VAT1L: variants seen among roughly 807,000 people sequenced by gnomAD.
VAT1L encodes the protein putative NADPH-dependent quinone oxidoreductase VAT1L.
Under a neutral mutation model 44.1 loss-of-function variants are expected in VAT1L, and 34 were observed. That is an observed-to-expected ratio of 0.77 (90% confidence interval 0.59 to 1.03). The LOEUF (loss-of-function observed/expected upper bound fraction) is 1.03. Ranked by LOEUF, VAT1L falls within the 50% of genes least tolerant of loss-of-function variation. The pLI is 0.00. For synonymous variants in VAT1L, 253 were observed against 202.2 expected (o/e 1.25, Z -2.13); for missense variants, 615 against 538.8 (o/e 1.14, Z -1.40).
intron 3 of VAT1L, among the ~76,000 whole-genome samples, chr16:77,838,222 G>A (rs192238307): frequency 6.6e-6 from 1 of 152,282 alleles, no homozygotes; most frequent in East Asian, 1.9e-4. Context: ...ATGACTCTGG[G>A]GACCCATCCA....
chr16:77,944,482 C>T (rs2017934619), intron 7 of VAT1L, among the ~76,000 whole-genome samples: 1 of 152,142 alleles, frequency 6.6e-6, no homozygotes, highest in Admixed American at 6.5e-5. Flanking sequence ...TCATTAAATC[C>T]TCGCTCTTCC....
At position 77,917,040 on chromosome 16, in the gene VAT1L, T is replaced by C. The variant is rs568438338; in HGVS notation, c.1077+32238T>C. Among the ~76,000 whole-genome samples, 143 of 152,308 alleles carry C rather than the reference T, an allele frequency of 9.4e-4. 1 individual carries two copies. Among genetic ancestry groups the C allele is most frequent in the Non-Finnish European group, 1.8e-3 (124 of 68,034 alleles). On this transcript the variant is annotated intron_variant, in intron 7 of 8. Coordinates refer to ENST00000302536, the MANE Select transcript of VAT1L (RefSeq NM_020927.3). The stretch of plus-strand genomic sequence containing the variant: ...AAGTTTATTATTCATCCACCAGCAC[T>C]TGAAGGATTTAGATAAGAGATATTG...
At chr16:77,839,899 C>G (rs1240833353) in intron 3 of VAT1L, among the ~76,000 whole-genome samples, 1 of 152,096 alleles carries the variant, frequency 6.6e-6, no homozygotes, top group African/African-American at 2.4e-5. Flanking sequence ...CAATGTCAAC[C>G]CTGAATGAGT....
At chr16:77,814,489 A>T (rs548865562) in intron 1 of VAT1L, among the ~76,000 whole-genome samples, 2 of 152,192 alleles carry the variant, frequency 1.3e-5, no homozygotes, top group Non-Finnish European at 2.9e-5. Flanking sequence ...CACTGGGCCC[A>T]GTTCATGCTG....
chr16:77,909,865 C>A (rs1482362906), intron 7 of VAT1L, among the ~76,000 whole-genome samples: 4 of 152,124 alleles, frequency 2.6e-5, no homozygotes, highest in Non-Finnish European at 5.9e-5. Context: ...TGCATACATT[C>A]CTGCCCTTCA....
rs572845648 is a variant in VAT1L at position 77,950,642 on chromosome 16, T to C, written c.1078-21208T>C. Among the ~76,000 whole-genome samples, 5 of 152,224 alleles carry C rather than the reference T, an allele frequency of 3.3e-5. No homozygotes were observed. The South Asian group carries it at 8.3e-4, about 25-fold the overall frequency. ...AATGGGAAGCAGTGATCTTCAGGGA[T>C]GTTCTGTGTTGCCCTTAATCATCCT... On this transcript the variant is annotated intron_variant, in intron 7 of 8. Transcript: ENST00000302536.
intron 7 of VAT1L, among the ~76,000 whole-genome samples, chr16:77,967,044 C>G (rs2018230669): frequency 6.6e-6 from 1 of 151,442 alleles, no homozygotes; most frequent in Admixed American, 6.6e-5. Flanking sequence ...TCACCACTAT[C>G]TTCTGGGCAC....
chr16:77,788,952 T>G (rs2015781578), intron 1 of VAT1L, 37 bp downstream of exon 1: 44 of 1,401,900 alleles, frequency 3.1e-5, no homozygotes, highest in Middle Eastern at 1.8e-4. Context: ...TCTCTCTTTT[T>G]GCGCGCTGGG....
At chr16:77,876,837 T>C (rs993963657) in intron 5 of VAT1L, among the ~76,000 whole-genome samples, 2 of 152,162 alleles carry the variant, frequency 1.3e-5, no homozygotes, top group Non-Finnish European at 2.9e-5. Flanking sequence ...CACAGTAGGA[T>C]GGGGAAGAGT....
chr16:77,967,440 A>C (rs1265395347), intron 7 of VAT1L, among the ~76,000 whole-genome samples: 1 of 152,244 alleles, frequency 6.6e-6, no homozygotes. Flanking sequence ...AATCAAGAAC[A>C]ATATCATTTC....
At chr16:77,924,439 C>T (rs1031105108) in intron 7 of VAT1L, among the ~76,000 whole-genome samples, 1 of 151,970 alleles carries the variant, frequency 6.6e-6, no homozygotes, top group East Asian at 1.9e-4. Flanking sequence ...AGCTTCCACC[C>T]ACTTCTTATT....
intron 3 of VAT1L, among the ~76,000 whole-genome samples, chr16:77,833,702 G>A (rs552118357): frequency 2.0e-5 from 3 of 151,804 alleles, no homozygotes; most frequent in African/African-American, 7.3e-5. Context: ...AGTGAGCCGG[G>A]ATCACACCAT....
intron 7 of VAT1L, among the ~76,000 whole-genome samples, chr16:77,890,675 C>T (rs2017255128): frequency 1.3e-5 from 2 of 151,918 alleles, no homozygotes; most frequent in Non-Finnish European, 2.9e-5. Flanking sequence ...GTTATCCCAG[C>T]ACTTTGGGAG....
At chr16:77,965,903 T>G (rs945883005) in intron 7 of VAT1L, among the ~76,000 whole-genome samples, 3 of 152,208 alleles carry the variant, frequency 2.0e-5, no homozygotes, top group African/African-American at 7.2e-5. Flanking sequence ...GACACCATTG[T>G]CCTGCCCATA....
chr16:77,866,506 G>C (rs2016975884), intron 4 of VAT1L, among the ~76,000 whole-genome samples: 1 of 151,346 alleles, frequency 6.6e-6, no homozygotes, highest in Non-Finnish European at 1.5e-5. Context: ...TGAAAGGAAA[G>C]GGAAAATATC....
chr16:77,789,897 G>C (rs2145199714), intron 1 of VAT1L, among the ~76,000 whole-genome samples: 1 of 152,270 alleles, frequency 6.6e-6, no homozygotes, highest in East Asian at 1.9e-4. Flanking sequence ...AGCTTACCCA[G>C]CAGAGGCGGA....
At chr16:77,942,837 C>T (rs575158625) in intron 7 of VAT1L, among the ~76,000 whole-genome samples, 9 of 152,130 alleles carry the variant, frequency 5.9e-5, no homozygotes, top group South Asian at 2.1e-4. Flanking sequence ...CTCCGCCTCC[C>T]GGGTTCAAGC....
At position 77,825,473 on chromosome 16, in the gene VAT1L, G is replaced by A; in HGVS notation, c.579+12G>A. 1 of 1,564,252 alleles carries A rather than the reference G, an allele frequency of 6.4e-7. No homozygotes were observed. Among genetic ancestry groups the A allele is most frequent in the Non-Finnish European group, 8.7e-7 (1 of 1,153,544 alleles). ...CTGGTGGGGGCGTGGTAAGTCAGCT[G>A]TTTGTAACTTCTCTTCTTTAAGGTC... On this transcript the variant is annotated intron_variant, in intron 3 of 8. Coordinates refer to ENST00000302536, the MANE Select transcript of VAT1L (RefSeq NM_020927.3).
intron 2 of VAT1L, among the ~76,000 whole-genome samples, chr16:77,818,607 CAG>C (rs1456341079): frequency 6.6e-6 from 1 of 152,142 alleles, no homozygotes. Context: ...TAACAGGAAA[CAG>C]GGACATTGTT....
Sources: gnomAD v4.1 joint callset for allele counts (sites outside exome capture counted in the v4.1 genomes callset) on GRCh38, gnomAD v4.1.1 for gene constraint, MANE v1.5 for transcripts, NCBI Gene and HGNC (gene_info 2026-07-23, HGNC 2026-07-21) for gene names.